DYNC2H1: variants seen among roughly 807,000 people sequenced by gnomAD.
DYNC2H1 encodes the protein dynein cytoplasmic 2 heavy chain 1.
DYNC2H1 carries 410 observed loss-of-function variants against 570.0 expected under a neutral mutation model. The ratio of observed to expected loss-of-function variants is 0.72; its 90% CI spans 0.66 to 0.78. The LOEUF is 0.78. Among genes scored for constraint, DYNC2H1 ranks in the 30% least tolerant of loss-of-function variants. The pLI is 0.00. For missense variants in DYNC2H1, 4,865 were observed against 5,046.4 expected, an observed-to-expected ratio of 0.96 and a Z score of 1.09; for synonymous variants, 1,688 against 1,677.6, an observed-to-expected ratio of 1.01 and a Z score of -0.15.
chr11:103,336,584 C>G (rs537630619), intron 82 of DYNC2H1, among the ~76,000 whole-genome samples: 1 of 152,236 alleles, frequency 6.6e-6, no homozygotes, highest in East Asian at 1.9e-4. Context: ...TGGCTTATTT[C>G]ACTTAATATA....
At chr11:103,366,910 G>A (rs1940934377) in intron 83 of DYNC2H1, among the ~76,000 whole-genome samples, 1 of 152,016 alleles carries the variant, frequency 6.6e-6, no homozygotes, top group Admixed American at 6.6e-5. Context: ...TTAGAAGAGT[G>A]GCATAATTTT....
intron 83 of DYNC2H1, among the ~76,000 whole-genome samples, chr11:103,374,337 C>A (rs1203556427): frequency 1.3e-5 from 2 of 152,142 alleles, no homozygotes; most frequent in African/African-American, 4.8e-5. Context: ...CCCCTGCTGG[C>A]ACTTATTCTC....
intron 59 of DYNC2H1, among the ~76,000 whole-genome samples, chr11:103,229,718 T>G (rs1863934280): frequency 6.6e-6 from 1 of 152,206 alleles, no homozygotes; most frequent in African/African-American, 2.4e-5. Flanking sequence ...TATGAATTCC[T>G]GTCTTTCTCT....
In DYNC2H1 at chr11:103,243,084, C is replaced by T. The variant is rs1205455276; in HGVS notation, c.9820-609C>T. Among the ~76,000 whole-genome samples, 1 of 152,090 alleles carries T rather than the reference C, an allele frequency of 6.6e-6. No individual in the cohort carries two copies. The highest frequency in any genetic ancestry group is 1.5e-5 in the Non-Finnish European group (1 of 68,024). On this transcript the variant is annotated intron_variant, in intron 63 of 88. Coordinates refer to ENST00000375735, the MANE Select transcript of DYNC2H1 (RefSeq NM_001377.3). The surrounding 1 kb of genome is among the most constrained non-coding windows in gnomAD (Gnocchi z 4.8). Reference sequence around the variant, plus strand: ...GTTCATTTCATTAGATCTTAACCTACAGCCCATGTAATTTTCTCTTCCAGG... The same window carrying T: ...GTTCATTTCATTAGATCTTAACCTATAGCCCATGTAATTTTCTCTTCCAGG...
chr11:103,399,577 C>T (rs1467792894), intron 83 of DYNC2H1, 86 bp from the exon 84 acceptor site: 6 of 927,430 alleles, frequency 6.5e-6, no homozygotes, highest in Admixed American at 2.9e-5. Flanking sequence ...CAGAATAGAA[C>T]AAAAGGTTTA....
At chr11:103,161,758 C>T (rs1042559767) in intron 29 of DYNC2H1, among the ~76,000 whole-genome samples, 7 of 152,030 alleles carry the variant, frequency 4.6e-5, no homozygotes, top group Non-Finnish European at 1.0e-4. Flanking sequence ...AACAAGTAAG[C>T]GAACAACTAT....
intron 1 of DYNC2H1, among the ~76,000 whole-genome samples, chr11:103,112,001 A>T (rs776266629): frequency 6.6e-6 from 1 of 152,220 alleles, no homozygotes; most frequent in Non-Finnish European, 1.5e-5. Flanking sequence ...TTGGGTATTG[A>T]TAAGTGCCGT....
intron 54 of DYNC2H1, among the ~76,000 whole-genome samples, chr11:103,214,776 G>A (rs758004194): frequency 1.1e-4 from 17 of 148,520 alleles, no homozygotes; most frequent in Admixed American, 6.0e-4. Context: ...CCATGAGCAT[G>A]AGATGTCTTT....
chr11:103,118,368 A>G (rs989456877), intron 6 of DYNC2H1, among the ~76,000 whole-genome samples: 1 of 151,966 alleles, frequency 6.6e-6, no homozygotes, highest in Admixed American at 6.6e-5. Context: ...AAAAAAAAAA[A>G]CAAAACTTTT....
intron 1 of DYNC2H1, among the ~76,000 whole-genome samples, chr11:103,110,621 G>C (rs1858068697): frequency 6.6e-6 from 1 of 152,016 alleles, no homozygotes; most frequent in South Asian, 2.1e-4. Context: ...CTTAAAAAAT[G>C]GGTTGCATTT....
intron 82 of DYNC2H1, among the ~76,000 whole-genome samples, chr11:103,354,158 C>G (rs1439508143): frequency 7.6e-6 from 1 of 130,830 alleles, no homozygotes; most frequent in East Asian, 2.2e-4. Flanking sequence ...GCCTGGGTGA[C>G]AGAGCCAGGC....
intron 20 of DYNC2H1, among the ~76,000 whole-genome samples, chr11:103,150,747 G>A (rs751460894): frequency 6.6e-6 from 1 of 152,136 alleles, no homozygotes; most frequent in Non-Finnish European, 1.5e-5. Context: ...TAGACTTCAA[G>A]CATAGGATGA....
chr11:103,431,317 C>T (rs1943885178), intron 84 of DYNC2H1, among the ~76,000 whole-genome samples: 2 of 151,342 alleles, frequency 1.3e-5, no homozygotes, highest in African/African-American at 2.4e-5. Context: ...AATTATCTTA[C>T]ATTGAATCTC....
At chr11:103,132,796 G>A (rs1398011288) in intron 13 of DYNC2H1, among the ~76,000 whole-genome samples, 2 of 152,014 alleles carry the variant, frequency 1.3e-5, no homozygotes, top group East Asian at 3.9e-4. Context: ...TGTTGTGAAA[G>A]TGAGGCACCA....
chr11:103,242,733 C>G (rs1395578990), intron 63 of DYNC2H1, among the ~76,000 whole-genome samples: 2 of 151,912 alleles, frequency 1.3e-5, no homozygotes, highest in African/African-American at 4.8e-5. Context: ...TTTCTAACTC[C>G]CTTTTTTTTT....
chr11:103,198,138 A>T, intron 48 of DYNC2H1, 75 bp downstream of exon 48: 1 of 1,441,736 alleles, frequency 6.9e-7, no homozygotes, highest in Non-Finnish European at 9.4e-7. Flanking sequence ...GTAAATATTT[A>T]GAGGGCATGA....
intron 47 of DYNC2H1, among the ~76,000 whole-genome samples, chr11:103,193,080 C>T (rs1167953042): frequency 6.6e-6 from 1 of 152,076 alleles, no homozygotes; most frequent in Non-Finnish European, 1.5e-5. Flanking sequence ...GAGTACCTAT[C>T]CTAAAGGGAA....
At chr11:103,449,140 T>C (rs1180617477) in intron 85 of DYNC2H1, among the ~76,000 whole-genome samples, 1 of 152,142 alleles carries the variant, frequency 6.6e-6, no homozygotes, top group Non-Finnish European at 1.5e-5. Flanking sequence ...GCAAGTGCCA[T>C]GGCCTGAGGC....
chr11:103,217,492 T>C (rs1046807989), intron 55 of DYNC2H1, among the ~76,000 whole-genome samples: 4 of 152,170 alleles, frequency 2.6e-5, no homozygotes, highest in Non-Finnish European at 5.9e-5. Context: ...GGAAAGATAG[T>C]CTTTTTGAAA....
Sources: allele counts gnomAD v4.1 joint callset (sites outside exome capture counted in the v4.1 genomes callset), GRCh38; gene constraint gnomAD v4.1.1; non-coding constraint Gnocchi (gnomAD v3.1); transcripts MANE v1.5; gene names NCBI Gene and HGNC (gene_info 2026-07-23, HGNC 2026-07-21).